PARD3B: variants seen among roughly 807,000 people sequenced by gnomAD.
The protein encoded by PARD3B is par-3 family cell polarity regulator beta.
In PARD3B, 103 loss-of-function variants were observed where a neutral mutation model predicts 130.2. The ratio of observed to expected loss-of-function variants is 0.79; its 90% CI spans 0.67 to 0.93. The LOEUF (loss-of-function observed/expected upper bound fraction) is 0.93, where lower values mean the gene tolerates loss of function less well. Ranked by LOEUF, PARD3B falls within the 40% of genes least tolerant of loss-of-function variation. The probability of loss-of-function intolerance (pLI) is 0.00; values close to 1 mark genes in which losing one functional copy is unlikely to be tolerated. For missense variants in PARD3B, 1,609 were observed against 1,499.2 expected (o/e 1.07, Z -1.21); for synonymous variants, 583 against 553.2 (o/e 1.05, Z -0.76).
chr2:204,830,494 T>C (rs940815975), intron 2 of PARD3B, among the ~76,000 whole-genome samples: 1 of 152,190 alleles, frequency 6.6e-6, no homozygotes, highest in African/African-American at 2.4e-5. Flanking sequence ...TGAGGAAAAT[T>C]AGCATAATGT....
intron 19 of PARD3B, among the ~76,000 whole-genome samples, chr2:205,422,725 G>T (rs1469512140): frequency 6.6e-6 from 1 of 152,160 alleles, no homozygotes; most frequent in Non-Finnish European, 1.5e-5. Context: ...AACATGAAGA[G>T]ATTTCCTATG....
At chr2:204,818,831 C>A (rs953526495) in intron 2 of PARD3B, among the ~76,000 whole-genome samples, 1 of 152,052 alleles carries the variant, frequency 6.6e-6, no homozygotes, top group Non-Finnish European at 1.5e-5. Context: ...TAGTTTAGAA[C>A]GTATGTATTA....
chr2:205,518,520 ACTTTTTTATACAGCTTACCATTCTGTGC>A (rs897739218), intron 21 of PARD3B, among the ~76,000 whole-genome samples: 5 of 152,156 alleles, frequency 3.3e-5, no homozygotes, highest in Middle Eastern at 3.4e-3. Flanking sequence ...ATTCGGTCTT[ACTTTTTTATACAGCTTACCATTCTGTGC>A]CTTTTTAAGT....
At chr2:205,145,155 G>A (rs1434145379) in intron 10 of PARD3B, among the ~76,000 whole-genome samples, 1 of 151,970 alleles carries the variant, frequency 6.6e-6, no homozygotes, top group African/African-American at 2.4e-5. Flanking sequence ...CCTAAATAAC[G>A]GCACATATAC....
chr2:204,854,808 C>A (rs2044854302), intron 2 of PARD3B, among the ~76,000 whole-genome samples: 1 of 152,030 alleles, frequency 6.6e-6, no homozygotes, highest in South Asian at 2.1e-4. Context: ...GGGATATACA[C>A]CCTGGGGTTC....
chr2:205,172,183 A>G (rs755740188), intron 11 of PARD3B, 28 bp from the exon 12 acceptor site: 1 of 1,608,254 alleles, frequency 6.2e-7, no homozygotes, highest in Non-Finnish European at 8.5e-7. Flanking sequence ...TTCTCTGTTG[A>G]ATATTGTTTT....
In PARD3B at chr2:205,168,418, G is replaced by A. The variant is rs2034956830; in HGVS notation, c.1621-3793G>A. Among the ~76,000 whole-genome samples the A allele has an allele frequency of 1.3e-5, 2 of 151,942 alleles. 1 individual carries two copies. The highest frequency in any genetic ancestry group is 1.3e-4 in the Admixed American group (2 of 15,254). Reference sequence around the variant, plus strand: ...GAATATTTGAATTCATTTATGTAAAGTCAATTGAAAGTTAATATTCTCATG... The same window carrying A: ...GAATATTTGAATTCATTTATGTAAAATCAATTGAAAGTTAATATTCTCATG... On this transcript the variant is annotated intron_variant, in intron 11 of 22. Coordinates refer to ENST00000406610, the MANE Select transcript of PARD3B (RefSeq NM_001302769.2).
intron 10 of PARD3B, among the ~76,000 whole-genome samples, chr2:205,150,255 A>ACGCG (rs1478478338): frequency 1.1e-3 from 157 of 142,340 alleles, no homozygotes; most frequent in African/African-American, 3.5e-3. Flanking sequence ...GTGTGTGTGC[A>ACGCG]CACACGCTTG....
intron 21 of PARD3B, among the ~76,000 whole-genome samples, chr2:205,549,616 C>T (rs1342595940): frequency 1.3e-5 from 2 of 152,108 alleles, no homozygotes; most frequent in Non-Finnish European, 2.9e-5. Context: ...TCATTGGTTA[C>T]CAGGACCTGG....
At chr2:205,192,616 T>C (rs1191065745) in intron 14 of PARD3B, among the ~76,000 whole-genome samples, 1 of 152,222 alleles carries the variant, frequency 6.6e-6, no homozygotes, top group African/African-American at 2.4e-5. Flanking sequence ...ATGTATCTTG[T>C]GTCTTAATTG....
intron 22 of PARD3B, among the ~76,000 whole-genome samples, chr2:205,599,081 C>T: frequency 6.6e-6 from 1 of 152,082 alleles, no homozygotes; most frequent in Admixed American, 6.6e-5. Flanking sequence ...ACAAAACCAA[C>T]CCCAAAGCTA....
At chr2:204,680,355 T>G (rs1233396640) in intron 1 of PARD3B, among the ~76,000 whole-genome samples, 8 of 152,054 alleles carry the variant, frequency 5.3e-5, no homozygotes, top group Non-Finnish European at 1.2e-4. Flanking sequence ...AATTTATAGG[T>G]CCAAGGTTTT....
chr2:205,531,926 A>ATTATC (rs2051614528), intron 21 of PARD3B, among the ~76,000 whole-genome samples: 1 of 151,896 alleles, frequency 6.6e-6, no homozygotes, highest in Non-Finnish European at 1.5e-5. Context: ...TTGATTATTT[A>ATTATC]TTATCTTTCC....
At position 204,907,476 on chromosome 2, in the gene PARD3B, C is replaced by T. The variant is rs929314916; in HGVS notation, c.223-57676C>T. On this transcript the variant is annotated intron_variant, in intron 2 of 22. Coordinates refer to ENST00000406610, the MANE Select transcript of PARD3B (RefSeq NM_001302769.2). This position sits in a 1 kb window ranked among gnomAD's most constrained non-coding sequence, Gnocchi z 5.7. ...CCCAATGCAGCTAATTTCTCTGGAG[C>T]CCCCTGCTACTAATGCAGAATAAAT... is the stretch of plus-strand genomic sequence containing the variant. Among the ~76,000 whole-genome samples the T allele has an allele frequency of 7.2e-5, 11 of 152,152 alleles. No homozygotes were observed. Among genetic ancestry groups the T allele is most frequent in the Non-Finnish European group, 1.0e-4 (7 of 68,018 alleles).
At position 205,100,823 on chromosome 2, in the gene PARD3B, G is replaced by A. The variant is rs578246805; in HGVS notation, c.505-3603G>A. Among the ~76,000 whole-genome samples the A allele has an allele frequency of 1.0e-3, 154 of 152,116 alleles. 1 individual carries two copies. Among genetic ancestry groups the A allele is most frequent in the Admixed American group, 0.01 (154 of 15,236 alleles). ...TGAATTTGAACTCCTTCCTCACACAGTGTGCAGGAATGAACTCAAAATGAT... is the reference window on the plus strand; with the variant it reads ...TGAATTTGAACTCCTTCCTCACACAATGTGCAGGAATGAACTCAAAATGAT... On this transcript the variant is annotated intron_variant, in intron 4 of 22. Transcript: ENST00000406610.
At chr2:204,870,454 C>T (rs2045589784) in intron 2 of PARD3B, among the ~76,000 whole-genome samples, 1 of 152,096 alleles carries the variant, frequency 6.6e-6, no homozygotes, top group Admixed American at 6.6e-5. Context: ...AAGCTCTATC[C>T]TTCTGCTAGG....
At chr2:205,085,287 GTATCTTGCTGCCTTTC>G (rs1408157976) in intron 4 of PARD3B, among the ~76,000 whole-genome samples, 1 of 151,766 alleles carries the variant, frequency 6.6e-6, no homozygotes, top group Non-Finnish European at 1.5e-5. Flanking sequence ...ACCTACTAAT[GTATCTTGCTGCCTTTC>G]AATGTTGTCA....
chr2:204,643,419 C>T (rs2035163470), intron 1 of PARD3B, among the ~76,000 whole-genome samples: 1 of 152,050 alleles, frequency 6.6e-6, no homozygotes, highest in Admixed American at 6.6e-5. Flanking sequence ...TTTTGAATAT[C>T]TTCATACCAT....
chr2:205,327,366 A>G (rs16837202), intron 18 of PARD3B, among the ~76,000 whole-genome samples: 1 of 152,190 alleles, frequency 6.6e-6, no homozygotes, highest in Non-Finnish European at 1.5e-5. Flanking sequence ...TTGGTACATT[A>G]TAGAGGTAGG....
Sources: gnomAD v4.1 joint callset for allele counts (sites outside exome capture counted in the v4.1 genomes callset) on GRCh38, gnomAD v4.1.1 for gene constraint, Gnocchi (gnomAD v3.1) non-coding constraint, MANE v1.5 for transcripts, NCBI Gene and HGNC (gene_info 2026-07-23, HGNC 2026-07-21) for gene names.